Variants in RORA observed in about 807,000 individuals in gnomAD.
The protein encoded by RORA is RAR related orphan receptor A.
In RORA, 7 loss-of-function variants were observed where a neutral mutation model predicts 69.5. That is an observed-to-expected ratio of 0.10 (90% CI 0.06 to 0.19). RORA has a LOEUF of 0.19. Ranked by LOEUF, RORA falls within the 10% of genes least tolerant of loss-of-function variation. RORA has a pLI of 1.00. For missense variants in RORA, 457 were observed against 663.0 expected, an observed-to-expected ratio of 0.69 and a Z score of 3.41; for synonymous variants, 261 against 240.8, an observed-to-expected ratio of 1.08 and a Z score of -0.78.
intron 1 of RORA, among the ~76,000 whole-genome samples, chr15:60,778,976 C>G (rs2072213935): frequency 1.3e-5 from 2 of 152,202 alleles, no homozygotes; most frequent in South Asian, 4.2e-4. Flanking sequence ...TAATAACTTC[C>G]CAAGAAGCCT....
At chr15:60,977,961 C>A (rs1218955434) in intron 1 of RORA, among the ~76,000 whole-genome samples, 2 of 152,108 alleles carry the variant, frequency 1.3e-5, no homozygotes, top group African/African-American at 4.8e-5. Context: ...GTTTTCAATT[C>A]TTGGATATAT....
At chr15:60,832,180 A>G (rs6494229) in intron 1 of RORA, among the ~76,000 whole-genome samples, 83,926 of 152,042 alleles carry the variant, frequency 0.55, 23,260 homozygotes, top group South Asian at 0.65. Flanking sequence ...TGGTGACAAA[A>G]TTCTAGAAAA....
chr15:60,775,926 G>A (rs554604759), intron 1 of RORA, among the ~76,000 whole-genome samples: 27 of 152,270 alleles, frequency 1.8e-4, no homozygotes, highest in African/African-American at 6.3e-4. Flanking sequence ...CTGGGGCTTC[G>A]ACTCCTTCTA....
At chr15:60,849,638 C>A (rs1404076067) in intron 1 of RORA, among the ~76,000 whole-genome samples, 3 of 152,162 alleles carry the variant, frequency 2.0e-5, no homozygotes, top group African/African-American at 7.2e-5. Flanking sequence ...GATAAACCAG[C>A]CTGCAAAACA....
chr15:60,995,908 C>A (rs1038404003), intron 1 of RORA, among the ~76,000 whole-genome samples: 3 of 152,176 alleles, frequency 2.0e-5, no homozygotes, highest in African/African-American at 7.2e-5. Flanking sequence ...CGTTTTCTTG[C>A]AGGTAGCTGT....
At chr15:60,898,500 A>AAAATAAATAAATAAAT (rs59713870) in intron 1 of RORA, among the ~76,000 whole-genome samples, 12 of 138,046 alleles carry the variant, frequency 8.7e-5, no homozygotes, top group African/African-American at 1.9e-4. Context: ...ATTGTCTCTA[A>AAAATAAATAAATAAAT]AAATAAATAA....
intron 1 of RORA, among the ~76,000 whole-genome samples, chr15:60,716,323 G>C (rs1472263013): frequency 6.6e-6 from 1 of 152,228 alleles, no homozygotes; most frequent in African/African-American, 2.4e-5. Context: ...CTCCTTCAGA[G>C]ATACCGCCTT....
In RORA at chr15:60,815,932, TATAA is replaced by T. The variant is rs770324862; in HGVS notation, c.167-137250_167-137247del. 3.5e-4 allele frequency among the ~76,000 whole-genome samples: 50 copies of T among 143,296 alleles called. 1 individual carries two copies. The South Asian group carries it at 8.2e-3, about 24-fold the overall frequency. 94.0% of individuals were successfully genotyped at this position (143,296 alleles called of 152,430 possible). A position where few individuals can be genotyped will look rare whatever the true frequency, so the allele number is the denominator to read the frequency against. The stretch of plus-strand genomic sequence containing the variant: ...TTTATAAACTATAGTGTATATATAC[TATAA>T]ATAGTGTATATATACTATAAATAGT... On this transcript the variant is annotated intron_variant, in intron 1 of 10. Coordinates refer to ENST00000335670, the MANE Select transcript of RORA (RefSeq NM_134261.3).
chr15:60,558,092 G>C, intron 2 of RORA: 1 of 526,122 alleles, frequency 1.9e-6, no homozygotes, highest in Non-Finnish European at 3.3e-6. Context: ...GGGTGATGTT[G>C]AGAAAACCAA....
rs2065050123 is a variant in RORA, at chr15:60,492,041, C to T, written c.*5414G>A. ...AAAAATGTCAACGTGTGTGTGTATA[C>T]ACACATATACAAATACACATAGAGA... On this transcript the variant is annotated 3_prime_UTR_variant, in exon 11 of 11. Transcript: ENST00000335670. 1 of 151,794 alleles carries T rather than the reference C, an allele frequency of 6.6e-6. No homozygotes were observed. The highest frequency in any genetic ancestry group is 1.5e-5 in the Non-Finnish European group (1 of 67,992). The allele number at this position is 151,794 out of a possible 1,614,324, so 9.4% of individuals were successfully genotyped here.
chr15:60,985,582 CTTTTT>C (rs11451387), intron 1 of RORA, among the ~76,000 whole-genome samples: 1 of 100,862 alleles, frequency 9.9e-6, no homozygotes, highest in African/African-American at 4.1e-5. Context: ...AACTCATCCT[CTTTTT>C]TTTTTTTTTT....
At chr15:60,745,355 T>C (rs1184892954) in intron 1 of RORA, among the ~76,000 whole-genome samples, 1 of 152,220 alleles carries the variant, frequency 6.6e-6, no homozygotes. Context: ...CGCATCTTCC[T>C]GTGCAAAAGT....
At chr15:60,751,379 A>C (rs1007450143) in intron 1 of RORA, among the ~76,000 whole-genome samples, 1 of 152,218 alleles carries the variant, frequency 6.6e-6, no homozygotes, top group Non-Finnish European at 1.5e-5. Flanking sequence ...TTATTATTTA[A>C]TTAAGCTTTG....
chr15:60,854,326 C>G lies in RORA; in HGVS notation c.167-175640G>C, dbSNP rs755130643. On this transcript the variant is annotated intron_variant, in intron 1 of 10. Transcript: ENST00000335670. The stretch of plus-strand genomic sequence containing the variant: ...TACAAATACAAACATAGTTCGAATT[C>G]AAATACAAAAATAACTTGAATCATT... Among the ~76,000 whole-genome samples, 8 of 151,976 alleles carry G rather than the reference C, an allele frequency of 5.3e-5. No individual in the cohort carries two copies. The South Asian group carries it at 6.2e-4, about 12-fold the overall frequency.
intron 3 of RORA, among the ~76,000 whole-genome samples, chr15:60,515,981 TTATATA>T (rs1334450982): frequency 1.5e-4 from 1 of 6,816 alleles, no homozygotes; most frequent in Non-Finnish European, 2.9e-4. Context: ...ATTTATATAT[TTATATA>T]TATTTATATA....
intron 1 of RORA, among the ~76,000 whole-genome samples, chr15:61,118,490 CA>C (rs1346484511): frequency 1.3e-5 from 2 of 152,156 alleles, no homozygotes; most frequent in African/African-American, 4.8e-5. Flanking sequence ...TCAGTTTCAG[CA>C]GATTTTCTCA....
chr15:60,863,807 CTT>C (rs71122881), intron 1 of RORA, among the ~76,000 whole-genome samples: 145 of 134,948 alleles, frequency 1.1e-3, no homozygotes, highest in Middle Eastern at 3.7e-3. Flanking sequence ...CTGTCAGAAT[CTT>C]TTTTTTTTTT....
chr15:60,508,284 C>T (rs555989102), intron 5 of RORA, among the ~76,000 whole-genome samples: 2 of 152,272 alleles, frequency 1.3e-5, no homozygotes, highest in Non-Finnish European at 2.9e-5. Flanking sequence ...GTGCCCCAAC[C>T]ATGACTGCTT....
chr15:61,109,395 T>C (rs2078982315), intron 1 of RORA, among the ~76,000 whole-genome samples: 3 of 152,104 alleles, frequency 2.0e-5, no homozygotes, highest in South Asian at 2.1e-4. Context: ...AGTTCTCCCA[T>C]AAAGGCCACG....
Sources: gnomAD v4.1 joint callset for allele counts (sites outside exome capture counted in the v4.1 genomes callset) on GRCh38, gnomAD v4.1.1 for gene constraint, MANE v1.5 for transcripts, NCBI Gene and HGNC (gene_info 2026-07-23, HGNC 2026-07-21) for gene names.